Variants in IL1RAPL2 observed in about 807,000 individuals in gnomAD.
IL1RAPL2 encodes interleukin 1 receptor accessory protein like 2.
A neutral mutation model predicts 44.1 loss-of-function variants in IL1RAPL2; 3 were observed. That is an observed-to-expected ratio of 0.07 (90% CI 0.03 to 0.18). The LOEUF (loss-of-function observed/expected upper bound fraction) is 0.18, where lower values mean the gene tolerates loss of function less well. IL1RAPL2 is among the 10% of genes least tolerant of loss of function. The pLI is 1.00. For missense variants in IL1RAPL2, 391 were observed against 496.4 expected (o/e 0.79, Z 2.02); for synonymous variants, 181 against 178.8 (o/e 1.01, Z -0.10).
At chrX:105,246,511 T>A (rs1286972199) in intron 4 of IL1RAPL2, among the ~76,000 whole-genome samples, 1 of 111,366 alleles carries the variant, frequency 9.0e-6, no homozygotes, top group East Asian at 2.9e-4. Context: ...AGGGAACAAA[T>A]GTAACTAAAT....
chrX:105,430,851 A>T (rs760724068), intron 5 of IL1RAPL2, among the ~76,000 whole-genome samples: 1 of 111,723 alleles, frequency 9.0e-6, no homozygotes, highest in Non-Finnish European at 1.9e-5. Flanking sequence ...CAACTATAGC[A>T]TATCTTTGAA....
At chrX:105,028,208 G>A (rs2031410052) in intron 2 of IL1RAPL2, among the ~76,000 whole-genome samples, 1 of 110,886 alleles carries the variant, frequency 9.0e-6, no homozygotes, top group Non-Finnish European at 1.9e-5. Context: ...CTGGAAGCTG[G>A]GGATGGTTAA....
At chrX:105,716,402 T>C (rs2038257278) in intron 6 of IL1RAPL2, among the ~76,000 whole-genome samples, 1 of 111,792 alleles carries the variant, frequency 8.9e-6, no homozygotes, top group African/African-American at 3.2e-5. Flanking sequence ...GTCAGTACCT[T>C]ATGTGTAGTG....
At chrX:105,422,324 G>A (rs1047643944) in intron 5 of IL1RAPL2, among the ~76,000 whole-genome samples, 1 of 111,457 alleles carries the variant, frequency 9.0e-6, no homozygotes, top group East Asian at 2.8e-4. Flanking sequence ...ACTTACCCCG[G>A]GTTAGGACCC....
intron 5 of IL1RAPL2, among the ~76,000 whole-genome samples, chrX:105,271,680 G>A (rs974212873): frequency 1.6e-4 from 18 of 110,977 alleles, no homozygotes; most frequent in African/African-American, 5.9e-4. Context: ...AGCATGGAAT[G>A]TTCTTCCATT....
chrX:105,665,722 TTTTG>T (rs1393164174), intron 6 of IL1RAPL2, among the ~76,000 whole-genome samples: 2 of 81,763 alleles, frequency 2.4e-5, no homozygotes, highest in Non-Finnish European at 4.8e-5. Flanking sequence ...TAGTTTTTAT[TTTTG>T]TTTTTTTGTT....
chrX:105,309,727 G>C (rs2034781159), intron 5 of IL1RAPL2, among the ~76,000 whole-genome samples: 2 of 15,077 alleles, frequency 1.3e-4, no homozygotes, highest in African/African-American at 5.3e-4. Context: ...GCGAGACTCT[G>C]TCTCAAAAAA....
At chrX:104,916,055 C>CT (rs1924417594) in intron 2 of IL1RAPL2, among the ~76,000 whole-genome samples, 1 of 111,470 alleles carries the variant, frequency 9.0e-6, no homozygotes, top group Admixed American at 9.6e-5. Flanking sequence ...CATGTGGGCT[C>CT]TTTTTTGTTT....
intron 5 of IL1RAPL2, among the ~76,000 whole-genome samples, chrX:105,289,539 T>A (rs1603049357): frequency 9.0e-6 from 1 of 111,548 alleles, no homozygotes; most frequent in Non-Finnish European, 1.9e-5. Flanking sequence ...CAGTTATATT[T>A]TGAAGATAGA....
intron 6 of IL1RAPL2, among the ~76,000 whole-genome samples, chrX:105,709,938 T>G (rs1313023089): frequency 9.0e-6 from 1 of 111,545 alleles, no homozygotes; most frequent in Admixed American, 9.6e-5. Flanking sequence ...AACTAAACAA[T>G]TCCTCATCCA....
intron 7 of IL1RAPL2, among the ~76,000 whole-genome samples, chrX:105,729,919 AGGAG>A (rs748859504): frequency 0.017 from 1,191 of 70,154 alleles, 10 homozygotes; most frequent in Non-Finnish European, 0.023. Context: ...GAAGGAAGGA[AGGAG>A]GGAGGGAGGG....
At chrX:104,722,605 T>C (rs766552867) in intron 2 of IL1RAPL2, among the ~76,000 whole-genome samples, 8 of 112,164 alleles carry the variant, frequency 7.1e-5, no homozygotes, top group Admixed American at 3.8e-4. Flanking sequence ...AAATGTTAAG[T>C]GAGCCTCAAC....
At chrX:104,624,819 C>A (rs1197504898) in intron 1 of IL1RAPL2, among the ~76,000 whole-genome samples, 1 of 111,414 alleles carries the variant, frequency 9.0e-6, no homozygotes, top group Non-Finnish European at 1.9e-5. Context: ...AAACACCAGG[C>A]AGTGGTGTAC....
chrX:104,986,056 T>G (rs2030554718), intron 2 of IL1RAPL2, among the ~76,000 whole-genome samples: 1 of 112,427 alleles, frequency 8.9e-6, no homozygotes, highest in Admixed American at 9.4e-5. Context: ...CTATTTGTCC[T>G]TCAGAGTTCT....
chrX:104,791,677 G>T (rs1183925285), intron 2 of IL1RAPL2, among the ~76,000 whole-genome samples: 1 of 111,726 alleles, frequency 9.0e-6, no homozygotes, highest in Non-Finnish European at 1.9e-5. Context: ...CAGTGATGGA[G>T]AGAGAATTGA....
At chrX:105,305,069 G>A (rs968210821) in intron 5 of IL1RAPL2, among the ~76,000 whole-genome samples, 70 of 111,246 alleles carry the variant, frequency 6.3e-4, no homozygotes, top group African/African-American at 1.9e-3. Flanking sequence ...TTTATCAGGA[G>A]AACAGCAGTA....
intron 2 of IL1RAPL2, among the ~76,000 whole-genome samples, chrX:104,774,965 C>T (rs1011288169): frequency 8.9e-6 from 1 of 111,764 alleles, no homozygotes; most frequent in Non-Finnish European, 1.9e-5. Context: ...AAGTTTCACA[C>T]ACTCCCACCA....
chrX:105,209,966 T>C (rs144197508), intron 3 of IL1RAPL2, among the ~76,000 whole-genome samples: 2 of 110,797 alleles, frequency 1.8e-5, no homozygotes, highest in South Asian at 3.9e-4. Flanking sequence ...TTTCTTTCAG[T>C]TGGGCCCTAC....
chrX:105,459,919 A>G (rs1002449621), intron 5 of IL1RAPL2, among the ~76,000 whole-genome samples: 1 of 111,597 alleles, frequency 9.0e-6, no homozygotes, highest in Non-Finnish European at 1.9e-5. Context: ...CAAAATTGGT[A>G]CTAGCCTAAA....
Sources: gnomAD v4.1 joint callset for allele counts (sites outside exome capture counted in the v4.1 genomes callset) on GRCh38, gnomAD v4.1.1 for gene constraint, MANE v1.5 for transcripts, NCBI Gene and HGNC (gene_info 2026-07-23, HGNC 2026-07-21) for gene names.